Variants in ARHGAP42 observed in about 807,000 individuals in gnomAD.
ARHGAP42 encodes the protein rho GTPase-activating protein 42.
ARHGAP42 carries 63 observed loss-of-function variants against 125.0 expected under a neutral mutation model. The ratio of observed to expected loss-of-function variants is 0.50; its 90% CI spans 0.41 to 0.62. The LOEUF (loss-of-function observed/expected upper bound fraction) is 0.62, where lower values mean the gene tolerates loss of function less well. Ranked by LOEUF, ARHGAP42 falls within the 20% of genes least tolerant of loss-of-function variation. The probability of loss-of-function intolerance (pLI) is 0.00; values close to 1 mark genes in which losing one functional copy is unlikely to be tolerated. For missense variants in ARHGAP42, 766 were observed against 1,024.2 expected (o/e 0.75, Z 3.44); for synonymous variants, 339 against 351.0 (o/e 0.97, Z 0.38).
chr11:100,833,919 A>T (rs73007683), intron 3 of ARHGAP42, among the ~76,000 whole-genome samples: 27,307 of 152,090 alleles, frequency 0.18, 3,330 homozygotes, highest in East Asian at 0.43. Flanking sequence ...AAAAATAAAA[A>T]TTTTTAAATA....
At chr11:100,716,208 T>C (rs1362916063) in intron 1 of ARHGAP42, among the ~76,000 whole-genome samples, 3 of 152,244 alleles carry the variant, frequency 2.0e-5, no homozygotes, top group Non-Finnish European at 2.9e-5. Context: ...CTGTGGTTTC[T>C]GCCCCTTGAA....
chr11:100,714,183 T>G (rs1209278004), intron 1 of ARHGAP42, among the ~76,000 whole-genome samples: 2 of 152,178 alleles, frequency 1.3e-5, no homozygotes, highest in Non-Finnish European at 2.9e-5. Flanking sequence ...AGCAGAGCTT[T>G]TATATGATCT....
intron 6 of ARHGAP42, 53 bp from the exon 7 acceptor site, chr11:100,933,103 A>T: frequency 2.4e-6 from 3 of 1,245,640 alleles, no homozygotes; most frequent in Non-Finnish European, 3.4e-6. Flanking sequence ...TTATATCATT[A>T]AATGATCATT....
At chr11:100,808,474 C>T (rs1156560144) in intron 3 of ARHGAP42, among the ~76,000 whole-genome samples, 2 of 146,208 alleles carry the variant, frequency 1.4e-5, no homozygotes, top group African/African-American at 2.6e-5. Flanking sequence ...GGCGCAATCT[C>T]GGCTCACTGC....
Position 100,886,503 on chromosome 11 carries a change from A to C in ARHGAP42, c.384+26878A>C, listed in dbSNP as rs146017510. Among the ~76,000 whole-genome samples, 239 of 152,302 alleles carry C rather than the reference A, an allele frequency of 1.6e-3. 3 individuals carry two copies. The East Asian group carries it at 0.019, about 12-fold the overall frequency. ...ATTTAGAAAGATCTTCCCTTTTGCT[A>C]TCTCTTTGTTTGAAATTATCACAAG... On this transcript the variant is annotated intron_variant, in intron 4 of 23. Transcript: ENST00000298815.
chr11:100,864,270 C>T (rs1213410380), intron 4 of ARHGAP42, among the ~76,000 whole-genome samples: 1 of 151,888 alleles, frequency 6.6e-6, no homozygotes, highest in Non-Finnish European at 1.5e-5. Context: ...CTGCAACCTC[C>T]ACCTCCCGGC....
At chr11:100,928,016 A>G (rs1591301268) in intron 6 of ARHGAP42, among the ~76,000 whole-genome samples, 1 of 152,158 alleles carries the variant, frequency 6.6e-6, no homozygotes, top group Admixed American at 6.5e-5. Context: ...ACTCCTTTGC[A>G]CATCTATGCA....
In ARHGAP42 at chr11:100,799,259, C is replaced by T. The variant is rs893366310; in HGVS notation, c.312+4093C>T. Among the ~76,000 whole-genome samples, 4 of 152,110 alleles carry T rather than the reference C, an allele frequency of 2.6e-5. No individual in the cohort carries two copies. In the South Asian group the frequency reaches 8.3e-4, roughly 32 times the overall value. On this transcript the variant is annotated intron_variant, in intron 3 of 23. Coordinates refer to ENST00000298815, the MANE Select transcript of ARHGAP42 (RefSeq NM_152432.4). ...TGGCTGGTGGTGGGATGACCACATTCATTTAGGAAACATTAGCCTACATGG... is the reference window on the plus strand; with the variant it reads ...TGGCTGGTGGTGGGATGACCACATTTATTTAGGAAACATTAGCCTACATGG...
chr11:100,830,493 C>A (rs562289116), intron 3 of ARHGAP42, among the ~76,000 whole-genome samples: 4 of 151,720 alleles, frequency 2.6e-5, no homozygotes, highest in Non-Finnish European at 4.4e-5. Flanking sequence ...GTCAGCCTCG[C>A]CTGAGTGCTT....
intron 1 of ARHGAP42, among the ~76,000 whole-genome samples, chr11:100,755,834 T>C (rs1862562722): frequency 6.6e-6 from 1 of 152,152 alleles, no homozygotes; most frequent in Non-Finnish European, 1.5e-5. Context: ...TTTCATGGTG[T>C]TAAGGTTTTG....
At chr11:100,739,764 G>C (rs148191631) in intron 1 of ARHGAP42, among the ~76,000 whole-genome samples, 318 of 152,168 alleles carry the variant, frequency 2.1e-3, no homozygotes, top group African/African-American at 6.8e-3. Flanking sequence ...AGTAGGGTGA[G>C]CATAACTTCT....
At chr11:100,732,629 G>A (rs1261850916) in intron 1 of ARHGAP42, among the ~76,000 whole-genome samples, 1 of 152,196 alleles carries the variant, frequency 6.6e-6, no homozygotes, top group African/African-American at 2.4e-5. Context: ...TCCTGGACAA[G>A]ATTGATAGGT....
intron 1 of ARHGAP42, among the ~76,000 whole-genome samples, chr11:100,769,143 G>A (rs3901516): frequency 0.26 from 39,427 of 152,130 alleles, 5,349 homozygotes; most frequent in Non-Finnish European, 0.3. Flanking sequence ...GTACAGTAAA[G>A]ATACAGTATA....
rs767815247 is a variant in ARHGAP42 at position 100,899,722 on chromosome 11, G to GTT, written c.385-13720_385-13719dup. Among the ~76,000 whole-genome samples the GTT allele has an allele frequency of 1.5e-4, 10 of 67,194 alleles. 1 individual carries two copies. The highest frequency in any genetic ancestry group is 4.5e-4 in the Admixed American group (3 of 6,716). The allele number at this position is 67,194 out of a possible 152,430, so 44.1% of individuals were successfully genotyped here. A position where few individuals can be genotyped will look rare whatever the true frequency, so the allele number is the denominator to read the frequency against. ...TTTTTTTTGTTTTGTTTTGTGTTTT[G>GTT]TTTTTTTTTTTGTTTTTTTTTGCTC... On this transcript the variant is annotated intron_variant, in intron 4 of 23. Transcript: ENST00000298815.
At chr11:100,965,642 GAGCATT>G in intron 16 of ARHGAP42, 23 bp from the exon 17 acceptor site, 1 of 1,522,870 alleles carries the variant, frequency 6.6e-7, no homozygotes, top group Admixed American at 2.0e-5. Context: ...ATTAAAACTT[GAGCATT>G]TGCAATCTTT....
intron 1 of ARHGAP42, among the ~76,000 whole-genome samples, chr11:100,740,066 A>ATT (rs34223817): frequency 3.8e-4 from 55 of 143,466 alleles, no homozygotes; most frequent in Non-Finnish European, 4.9e-4. Context: ...TATTAGTACA[A>ATT]TTTTTTTTTT....
chr11:100,746,259 T>G (rs1224203031), intron 1 of ARHGAP42, among the ~76,000 whole-genome samples: 3 of 152,206 alleles, frequency 2.0e-5, no homozygotes, highest in Non-Finnish European at 4.4e-5. Context: ...ATGGGAGACA[T>G]GAAGTGAGCT....
chr11:100,861,412 T>C (rs512078), intron 4 of ARHGAP42, among the ~76,000 whole-genome samples: 147,792 of 152,266 alleles, frequency 0.97, 71,742 homozygotes, highest in East Asian at 1. Flanking sequence ...GAAACGTAAG[T>C]GGGAGAGTGA....
At chr11:100,735,491 A>C (rs1862047655) in intron 1 of ARHGAP42, among the ~76,000 whole-genome samples, 1 of 152,048 alleles carries the variant, frequency 6.6e-6, no homozygotes, top group African/African-American at 2.4e-5. Context: ...AATCACTTTA[A>C]GTCATCTTCT....
Sources: gnomAD v4.1 joint callset for allele counts (sites outside exome capture counted in the v4.1 genomes callset) on GRCh38, gnomAD v4.1.1 for gene constraint, MANE v1.5 for transcripts, NCBI Gene and HGNC (gene_info 2026-07-23, HGNC 2026-07-21) for gene names.